CRY1: variants seen among roughly 807,000 people sequenced by gnomAD.
CRY1 encodes the protein cryptochrome-1.
CRY1 carries 45 observed loss-of-function variants against 76.0 expected under a neutral mutation model. The ratio of observed to expected loss-of-function variants is 0.59; its 90% CI spans 0.47 to 0.76. The LOEUF (loss-of-function observed/expected upper bound fraction) is 0.76. Among genes scored for constraint, CRY1 ranks in the 30% least tolerant of loss-of-function variants. CRY1 has a pLI of 0.00. For synonymous variants in CRY1, 248 were observed against 244.0 expected (o/e 1.02, Z -0.15); for missense variants, 587 against 716.4 (o/e 0.82, Z 2.06).
At chr12:107,001,165 T>G in intron 5 of CRY1, 115 bp downstream of exon 5, 1 of 731,170 alleles carries the variant, frequency 1.4e-6, no homozygotes, top group East Asian at 2.8e-5. Context: ...TTTAACCATT[T>G]CTGTTAATCC....
rs1431344936 is a variant in CRY1, at chr12:107,074,778, G to A, written c.158+18026C>T. ...GCCTGTAATCCCAGCACCTTGGGAGGCTGAGGCGGGTGGATTACCTGAGTT... is the reference window on the plus strand; with the variant it reads ...GCCTGTAATCCCAGCACCTTGGGAGACTGAGGCGGGTGGATTACCTGAGTT... On this transcript the variant is annotated intron_variant, in intron 1 of 12. Transcript: ENST00000008527. 2.0e-5 allele frequency among the ~76,000 whole-genome samples: 3 copies of A among 152,316 alleles called. No homozygotes were observed. The East Asian group carries it at 5.8e-4, about 29-fold the overall frequency.
At chr12:107,068,509 G>T (rs989499407) in intron 1 of CRY1, among the ~76,000 whole-genome samples, 1 of 152,016 alleles carries the variant, frequency 6.6e-6, no homozygotes, top group Non-Finnish European at 1.5e-5. Context: ...TGTTGGTCAG[G>T]CTGGTCTCAA....
intron 5 of CRY1, among the ~76,000 whole-genome samples, chr12:107,000,310 T>C (rs1952292506): frequency 7.9e-6 from 1 of 126,798 alleles, no homozygotes. Flanking sequence ...TAAATTTCCT[T>C]CAAATTTCCA....
rs577595389 is a variant in CRY1 at position 107,029,489 on chromosome 12, G to A, written c.159-7297C>T. 3.3e-5 allele frequency among the ~76,000 whole-genome samples: 5 copies of A among 152,010 alleles called. No homozygotes were observed. The East Asian group carries it at 7.8e-4, about 24-fold the overall frequency. ...TATGCCTGTAGTCCTAACTACTTGG[G>A]GTGGGCTGAGGCAGGAGGATCAATT... is the stretch of plus-strand genomic sequence containing the variant. On this transcript the variant is annotated intron_variant, in intron 1 of 12. Transcript: ENST00000008527.
At chr12:106,992,260 A>G (rs1249952142) in intron 12 of CRY1, 1 of 152,198 alleles carries the variant, frequency 6.6e-6, no homozygotes, top group East Asian at 1.9e-4. Context: ...AAATCCAATT[A>G]AATTGAATGC....
intron 1 of CRY1, among the ~76,000 whole-genome samples, chr12:107,040,000 T>C (rs867590209): frequency 6.6e-6 from 1 of 151,984 alleles, no homozygotes; most frequent in Middle Eastern, 3.2e-3. Context: ...ACACACACAA[T>C]GGAATATTAT....
chr12:107,088,200 T>G (rs1295262833), intron 1 of CRY1, among the ~76,000 whole-genome samples: 5 of 152,176 alleles, frequency 3.3e-5, no homozygotes, highest in Admixed American at 3.3e-4. Context: ...AGATCCCTCA[T>G]GAATGGCTTG....
intron 2 of CRY1, among the ~76,000 whole-genome samples, chr12:107,018,333 C>T (rs912774993): frequency 6.6e-6 from 1 of 152,180 alleles, no homozygotes; most frequent in Non-Finnish European, 1.5e-5. Flanking sequence ...GTTATCCCAG[C>T]ACTTTGGGAG....
Position 107,079,595 on chromosome 12 carries a change from A to T in CRY1, c.158+13209T>A, listed in dbSNP as rs141518551. Reference sequence around the variant, plus strand: ...CTCCTATCTTTTCATGCACCACATGACTCAGCTACATCAGCCTCCTCACCA... The same window carrying T: ...CTCCTATCTTTTCATGCACCACATGTCTCAGCTACATCAGCCTCCTCACCA... On this transcript the variant is annotated intron_variant, in intron 1 of 12. Transcript: ENST00000008527. Among the ~76,000 whole-genome samples the T allele has an allele frequency of 9.2e-5, 14 of 152,166 alleles. No homozygotes were observed. The East Asian group carries it at 2.7e-3, about 29-fold the overall frequency.
At chr12:107,037,256 AAAG>A (rs1324074178) in intron 1 of CRY1, among the ~76,000 whole-genome samples, 1 of 152,152 alleles carries the variant, frequency 6.6e-6, no homozygotes, top group Admixed American at 6.5e-5. Context: ...TAGTAAGGGG[AAAG>A]AATAATAAGA....
chr12:106,996,755 T>G (rs1004800277), intron 10 of CRY1, among the ~76,000 whole-genome samples: 2 of 152,260 alleles, frequency 1.3e-5, no homozygotes, highest in Admixed American at 1.3e-4. Flanking sequence ...TTCAAATTTC[T>G]AACACATACT....
chr12:107,061,803 A>C (rs1288865468), intron 1 of CRY1, among the ~76,000 whole-genome samples: 1 of 152,116 alleles, frequency 6.6e-6, no homozygotes, highest in African/African-American at 2.4e-5. Context: ...TCTTTCTCTA[A>C]ACAAGTGATC....
intron 1 of CRY1, among the ~76,000 whole-genome samples, chr12:107,077,976 T>C (rs914729107): frequency 6.6e-6 from 1 of 152,182 alleles, no homozygotes; most frequent in African/African-American, 2.4e-5. Flanking sequence ...ATTATGACTC[T>C]CATACAAACA....
chr12:107,076,485 C>A (rs1165237262), intron 1 of CRY1, among the ~76,000 whole-genome samples: 1 of 151,788 alleles, frequency 6.6e-6, no homozygotes, highest in Admixed American at 6.6e-5. Flanking sequence ...GTGGCACACA[C>A]CTGTAATTCC....
At chr12:107,029,333 G>C (rs1318504463) in intron 1 of CRY1, among the ~76,000 whole-genome samples, 3 of 152,144 alleles carry the variant, frequency 2.0e-5, no homozygotes, top group Admixed American at 2.0e-4. Context: ...GCTCATGCCT[G>C]TAATCCTAGC....
At chr12:107,001,568 T>C (rs918742720) in intron 4 of CRY1, among the ~76,000 whole-genome samples, 196 bp downstream of exon 4, 7 of 152,206 alleles carry the variant, frequency 4.6e-5, no homozygotes, top group Non-Finnish European at 8.8e-5. Flanking sequence ...GTGGTAACAA[T>C]AGATCACATA....
intron 1 of CRY1, among the ~76,000 whole-genome samples, chr12:107,073,449 G>A (rs1009188950): frequency 6.6e-6 from 1 of 152,112 alleles, no homozygotes; most frequent in African/African-American, 2.4e-5. Flanking sequence ...ATTACTGGCT[G>A]GGCACGGTGA....
At chr12:107,059,655 T>C (rs916724282) in intron 1 of CRY1, among the ~76,000 whole-genome samples, 6 of 151,700 alleles carry the variant, frequency 4.0e-5, no homozygotes, top group African/African-American at 1.5e-4. Context: ...TCAAACAAAA[T>C]CCATGATATC....
At chr12:107,037,279 T>G (rs1427924523) in intron 1 of CRY1, among the ~76,000 whole-genome samples, 1 of 152,096 alleles carries the variant, frequency 6.6e-6, no homozygotes, top group Admixed American at 6.6e-5. Context: ...AAAATGGTAA[T>G]CCCAGCACTT....
Sources: gnomAD v4.1 joint callset for allele counts (sites outside exome capture counted in the v4.1 genomes callset) on GRCh38, gnomAD v4.1.1 for gene constraint, MANE v1.5 for transcripts, NCBI Gene and HGNC (gene_info 2026-07-23, HGNC 2026-07-21) for gene names.